FAM91A1: variants seen among roughly 807,000 people sequenced by gnomAD.
FAM91A1 encodes the protein family with sequence similarity 91 member A1.
FAM91A1 carries 41 observed loss-of-function variants against 113.5 expected under a neutral mutation model. The ratio of observed to expected loss-of-function variants is 0.36; its 90% CI spans 0.28 to 0.47. The LOEUF (loss-of-function observed/expected upper bound fraction) is 0.47. Ranked by LOEUF, FAM91A1 falls within the 20% of genes least tolerant of loss-of-function variation. FAM91A1 has a pLI of 1.00. For synonymous variants in FAM91A1, 307 were observed against 347.9 expected (o/e 0.88, Z 1.31); for missense variants, 696 against 1,001.2 (o/e 0.70, Z 4.11).
Position 123,796,090 on chromosome 8 carries a change from G to T in FAM91A1, c.1412-2000G>T, listed in dbSNP as rs141291918. On this transcript the variant is annotated intron_variant, in intron 15 of 23. Transcript: ENST00000334705. The stretch of plus-strand genomic sequence containing the variant: ...GTCCTGGTTAACCCACGCAGAACCC[G>T]CATGTGTTCAACACTGAAGGCATTG... Among the ~76,000 whole-genome samples, 957 of 152,226 alleles carry T rather than the reference G, an allele frequency of 6.3e-3. 8 individuals are homozygous for T. Among genetic ancestry groups the T allele is most frequent in the African/African-American group, 0.022 (904 of 41,522 alleles).
chr8:123,806,896 A>G (rs895290370), intron 20 of FAM91A1, among the ~76,000 whole-genome samples: 1 of 144,008 alleles, frequency 6.9e-6, no homozygotes, highest in Non-Finnish European at 1.5e-5. Flanking sequence ...CTTAGATATC[A>G]CTTACTTTTT....
rs972286080 is a variant in FAM91A1, at chr8:123,774,266, C to T, written c.157+102C>T. The T allele has an allele frequency of 2.0e-5, 18 of 892,596 alleles. No individual in the cohort carries two copies. The African/African-American group carries it at 2.4e-4, about 12-fold the overall frequency. 55.3% of individuals were successfully genotyped at this position (892,596 alleles called of 1,614,324 possible). Reference sequence around the variant, plus strand: ...ATATTTCATAGTACTGAGATTATTCCATGTACAGACTTTAAGAAACTCTAC... The same window carrying T: ...ATATTTCATAGTACTGAGATTATTCTATGTACAGACTTTAAGAAACTCTAC... On this transcript the variant is annotated intron_variant, in intron 2 of 23. Transcript: ENST00000334705.
At chr8:123,779,034 T>A (rs1192704149) in intron 6 of FAM91A1, among the ~76,000 whole-genome samples, 2 of 152,194 alleles carry the variant, frequency 1.3e-5, no homozygotes, top group Non-Finnish European at 2.9e-5. Flanking sequence ...TAAAGTAACA[T>A]GATGCCACAG....
At position 123,799,835 on chromosome 8, in the gene FAM91A1, G is replaced by A. The variant is rs1402109395; in HGVS notation, c.1759G>A (p.Val587Met). 1 of 1,609,064 alleles carries A rather than the reference G, an allele frequency of 6.2e-7. No homozygotes were observed. The highest frequency in any genetic ancestry group is 1.7e-5 in the Admixed American group (1 of 59,944). Residue 587 changes from valine (V) to methionine (M), a missense_variant, in exon 18 of 24, where the codon GTG (valine) becomes ATG (methionine). Transcript: ENST00000334705. Reference protein sequence around the residue: ...HDPGVVPTSNVLTMLNDALTH... With the variant: ...HDPGVVPTSNMLTMLNDALTH... ...TCCTGGAGTAGTTCCTACCTCAAAT[G>A]TGCTCACGATGTTGAATGATGCTTT...
chr8:123,773,349 T>C (rs1337449606), intron 1 of FAM91A1, among the ~76,000 whole-genome samples: 5 of 152,220 alleles, frequency 3.3e-5, no homozygotes, highest in East Asian at 1.9e-4. Context: ...GGAAAGACCA[T>C]ACCTAGAAAT....
chr8:123,768,620 G>T lies in FAM91A1; in HGVS notation c.-83G>T, dbSNP rs1258174145. The T allele has an allele frequency of 7.7e-7, 1 of 1,290,872 alleles. No homozygotes were observed. Among genetic ancestry groups the T allele is most frequent in the Non-Finnish European group, 1.1e-6 (1 of 945,476 alleles). 80.0% of individuals were successfully genotyped at this position (1,290,872 alleles called of 1,614,324 possible). On this transcript the variant is annotated 5_prime_UTR_variant, in exon 1 of 24. Coordinates refer to ENST00000334705, the MANE Select transcript of FAM91A1 (RefSeq NM_144963.4). Reference sequence around the variant, plus strand: ...GGCGCGGGGCCTCCCGCGTCGCTCCGCTGACAGGCTGCGGGCGGGCAGGCG... The same window carrying T: ...GGCGCGGGGCCTCCCGCGTCGCTCCTCTGACAGGCTGCGGGCGGGCAGGCG...
chr8:123,780,334 A>G (rs1171816362), intron 7 of FAM91A1, 146 bp from the exon 8 acceptor site: 27 of 751,396 alleles, frequency 3.6e-5, no homozygotes, highest in Non-Finnish European at 5.7e-5. Flanking sequence ...AAAAACTTTA[A>G]TTCTTTTTCT....
chr8:123,806,949 G>A (rs1815826762), intron 20 of FAM91A1, among the ~76,000 whole-genome samples: 1 of 149,578 alleles, frequency 6.7e-6, no homozygotes, highest in Non-Finnish European at 1.5e-5. Context: ...ACCTTCTCAT[G>A]CTTACTAGTT....
Position 123,798,137 on chromosome 8 carries a change from C to T in FAM91A1, c.1459C>T (p.Pro487Ser). The stretch of plus-strand genomic sequence containing the variant: ...CTGTGAAAGCCTTCTTGGTTTGGAC[C>T]CTGCAACTTGCAGCAGAGTTCTAAA... ...LRCESLLGLD[P>S]ATCSRVLNKN... The change falls in exon 16 of 24, where the codon CCT becomes TCT. Residue 487 changes from proline (P) to serine (S), a missense_variant. Coordinates refer to ENST00000334705, the MANE Select transcript of FAM91A1 (RefSeq NM_144963.4). 1 of 1,613,874 alleles carries T rather than the reference C, an allele frequency of 6.2e-7. No individual in the cohort carries two copies. Among genetic ancestry groups the T allele is most frequent in the Non-Finnish European group, 8.5e-7 (1 of 1,179,958 alleles).
intron 23 of FAM91A1, chr8:123,810,701 T>C: frequency 3.4e-6 from 1 of 297,426 alleles, no homozygotes; most frequent in South Asian, 4.7e-5. Flanking sequence ...CTGTCTGTTG[T>C]GGCAGCGAAG....
chr8:123,802,096 G>A (rs1440644144), intron 18 of FAM91A1, among the ~76,000 whole-genome samples: 1 of 152,068 alleles, frequency 6.6e-6, no homozygotes, highest in Admixed American at 6.6e-5. Flanking sequence ...AATTACAGGG[G>A]GGTAACAGGG....
At chr8:123,787,972 C>T (rs747769970) in intron 14 of FAM91A1, among the ~76,000 whole-genome samples, 3 of 152,166 alleles carry the variant, frequency 2.0e-5, no homozygotes, top group Non-Finnish European at 4.4e-5. Flanking sequence ...TCTACCTCAT[C>T]TAATTCTTAA....
chr8:123,803,718 A>G (rs548368283), intron 18 of FAM91A1, among the ~76,000 whole-genome samples: 3 of 152,354 alleles, frequency 2.0e-5, no homozygotes, highest in Admixed American at 6.5e-5. Context: ...AACGTGTTAC[A>G]AATTAAGATT....
chr8:123,770,770 G>C (rs1419682062), intron 1 of FAM91A1, among the ~76,000 whole-genome samples: 1 of 152,200 alleles, frequency 6.6e-6, no homozygotes, highest in Non-Finnish European at 1.5e-5. Flanking sequence ...TTAAAATTAG[G>C]TCTAAATGTG....
At chr8:123,789,840 AC>A in intron 15 of FAM91A1, 95 bp downstream of exon 15, 1 of 1,409,204 alleles carries the variant, frequency 7.1e-7, no homozygotes, top group Non-Finnish European at 9.6e-7. Flanking sequence ...ATCATCACTT[AC>A]GTATTTTGTG....
At chr8:123,784,152 C>T (rs1347373580) in intron 8 of FAM91A1, among the ~76,000 whole-genome samples, 1 of 152,170 alleles carries the variant, frequency 6.6e-6, no homozygotes, top group East Asian at 1.9e-4. Flanking sequence ...TTGCAGGCTC[C>T]CCCATTCTGA....
In FAM91A1 at chr8:123,797,497, G is replaced by A. The variant is rs187640925; in HGVS notation, c.1412-593G>A. Among the ~76,000 whole-genome samples, 273 of 152,022 alleles carry A rather than the reference G, an allele frequency of 1.8e-3. 1 individual carries two copies. Among genetic ancestry groups the A allele is most frequent in the African/African-American group, 6.2e-3 (258 of 41,448 alleles). ...TCCTTCCTCTTCCTCCTCCTCTTCA[G>A]CCTATTTACTGTGAAGATGAGGAAG... On this transcript the variant is annotated intron_variant, in intron 15 of 23. Coordinates refer to ENST00000334705, the MANE Select transcript of FAM91A1 (RefSeq NM_144963.4).
intron 15 of FAM91A1, among the ~76,000 whole-genome samples, chr8:123,790,015 TG>T (rs1257466411): frequency 6.6e-6 from 1 of 152,202 alleles, no homozygotes; most frequent in Non-Finnish European, 1.5e-5. Context: ...TTTAAGTAGC[TG>T]GATGGAATTT....
chr8:123,772,512 T>C (rs1180755473), intron 1 of FAM91A1, among the ~76,000 whole-genome samples: 2 of 152,224 alleles, frequency 1.3e-5, no homozygotes, highest in African/African-American at 4.8e-5. Flanking sequence ...TAACCCCTTA[T>C]AATGTTAAGA....
Sources: allele counts gnomAD v4.1 joint callset (sites outside exome capture counted in the v4.1 genomes callset), GRCh38; gene constraint gnomAD v4.1.1; transcripts MANE v1.5; gene names NCBI Gene and HGNC (gene_info 2026-07-23, HGNC 2026-07-21).